The following GPAT4 variants were observed in gnomAD, a reference collection of about 807,000 sequenced individuals.
GPAT4 encodes the protein glycerol-3-phosphate acyltransferase 4.
Under a neutral mutation model 58.0 loss-of-function variants are expected in GPAT4, and 17 were observed. The ratio of observed to expected loss-of-function variants is 0.29; its 90% CI spans 0.20 to 0.44. GPAT4 has a LOEUF of 0.44. Ranked by LOEUF, GPAT4 falls within the 20% of genes least tolerant of loss-of-function variation. The pLI is 1.00. For synonymous variants in GPAT4, 204 were observed against 210.1 expected (o/e 0.97, Z 0.25); for missense variants, 377 against 574.5 (o/e 0.66, Z 3.51).
rs768242581 is a variant in GPAT4 at position 41,599,240 on chromosome 8, C to T, written c.101C>T (p.Ala34Val). The T allele has an allele frequency of 1.9e-6, 3 of 1,614,072 alleles. No homozygotes were observed. Among genetic ancestry groups the T allele is most frequent in the Non-Finnish European group, 2.5e-6 (3 of 1,180,002 alleles). The change falls in exon 2 of 13, where the codon GCC becomes GTC. Residue 34 changes from alanine to valine, a missense_variant. Ala to Val is a moderately conservative substitution (Grantham distance 64). Coordinates refer to ENST00000396987, the MANE Select transcript of GPAT4 (RefSeq NM_178819.4). ...TLLLVFIIVP[A>V]IFGVSFGIRK... ...CTTCTCGTTTTCATCATAGTGCCAG[C>T]CATTTTTGGAGTCTCCTTTGGTATC...
chr8:41,618,592 G>A (rs1163310198), intron 10 of GPAT4, 92 bp from the exon 11 acceptor site: 15 of 1,506,194 alleles, frequency 1.0e-5, no homozygotes, highest in South Asian at 3.6e-5. Context: ...GTACCAGCAC[G>A]GCCCAGTGGA....
intron 1 of GPAT4, among the ~76,000 whole-genome samples, chr8:41,596,837 G>A (rs935421248): frequency 6.6e-6 from 1 of 152,166 alleles, no homozygotes; most frequent in African/African-American, 2.4e-5. Context: ...ATTCAGCTGG[G>A]AGCATCAGTG....
chr8:41,578,681 C>A (rs1362407473), intron 1 of GPAT4: 1 of 152,306 alleles, frequency 6.6e-6, no homozygotes, highest in Admixed American at 6.5e-5. Context: ...ATTCCCCTTC[C>A]TGTGTTCTCT....
rs1266220440 is a variant in GPAT4, at chr8:41,622,078, C to T, written c.*1077C>T. On this transcript the variant is annotated 3_prime_UTR_variant, in exon 13 of 13. Coordinates refer to ENST00000396987, the MANE Select transcript of GPAT4 (RefSeq NM_178819.4). ...GCAGCTCAGAAGGTGAACAGCTCGT[C>T]TCAGATGCTTGCAGATCTTTGGTTA... 6.6e-6 allele frequency: 1 copy of T among 152,320 alleles called. No homozygotes were observed. Among genetic ancestry groups the T allele is most frequent in the Non-Finnish European group, 1.5e-5 (1 of 68,114 alleles). The allele number at this position is 152,320 out of a possible 1,614,324, so 9.4% of individuals were successfully genotyped here. A position where few individuals can be genotyped will look rare whatever the true frequency, so the allele number is the denominator to read the frequency against.
At chr8:41,591,980 A>C (rs11994275) in intron 1 of GPAT4, among the ~76,000 whole-genome samples, 70,979 of 152,030 alleles carry the variant, frequency 0.47, 16,931 homozygotes, top group African/African-American at 0.55. Flanking sequence ...CAGCTTGTAA[A>C]CGTTTGATTC....
Position 41,591,188 on chromosome 8 carries a change from G to C in GPAT4, c.-848-7104G>C, listed in dbSNP as rs567717927. Among the ~76,000 whole-genome samples the C allele has an allele frequency of 5.3e-5, 8 of 152,208 alleles. No individual in the cohort carries two copies. In the South Asian group the frequency reaches 1.7e-3, roughly 32 times the overall value. ...CGGTAATCAGAATGGAATAGAACAGGACAGGGATTTTCACGATGCTTTTCC... is the reference window on the plus strand; with the variant it reads ...CGGTAATCAGAATGGAATAGAACAGCACAGGGATTTTCACGATGCTTTTCC... On this transcript the variant is annotated intron_variant, in intron 1 of 12. Coordinates refer to ENST00000396987, the MANE Select transcript of GPAT4 (RefSeq NM_178819.4).
At position 41,611,962 on chromosome 8, in the gene GPAT4, C is replaced by T. The variant is rs181217466; in HGVS notation, c.671C>T (p.Ala224Val). Residue 224 changes from alanine to valine, a missense_variant, in exon 6 of 13, where the codon GCG becomes GTG. Ala to Val is a moderately conservative substitution (Grantham distance 64). Coordinates refer to ENST00000396987, the MANE Select transcript of GPAT4 (RefSeq NM_178819.4). ...ATGTGTTACCGGATCTGCGTGCGAG[C>T]GCTGACAGCCATCATCACCTACCAT... ...HLMCYRICVR[A>V]LTAIITYHDR... 1.9e-6 allele frequency: 3 copies of T among 1,614,154 alleles called. No homozygotes were observed. The highest frequency in any genetic ancestry group is 2.2e-5 in the South Asian group (2 of 91,076).
At chr8:41,582,478 T>A (rs78702840) in intron 1 of GPAT4, among the ~76,000 whole-genome samples, 5 of 108,068 alleles carry the variant, frequency 4.6e-5, no homozygotes, top group Non-Finnish European at 1.0e-4. Context: ...CACACACACA[T>A]CTTTCTTTCT....
At chr8:41,589,422 G>C (rs1802735552) in intron 1 of GPAT4, among the ~76,000 whole-genome samples, 1 of 151,780 alleles carries the variant, frequency 6.6e-6, no homozygotes, top group African/African-American at 2.4e-5. Flanking sequence ...TCTGAGCGGA[G>C]GAAAGACTAG....
chr8:41,605,698 G>A lies in GPAT4; in HGVS notation c.166-3718G>A, dbSNP rs550252023. Among the ~76,000 whole-genome samples the A allele has an allele frequency of 4.0e-3, 612 of 152,180 alleles. 2 individuals are homozygous for A. Among genetic ancestry groups the A allele is most frequent in the Middle Eastern group, 0.014 (4 of 294 alleles). On this transcript the variant is annotated intron_variant, in intron 2 of 12. Coordinates refer to ENST00000396987, the MANE Select transcript of GPAT4 (RefSeq NM_178819.4). ...CAAGTGATTCTCCTGCCTCAGCCCC[G>A]AGTAGTTGGGGTTACAGGCCTGTGC...
Position 41,589,868 on chromosome 8 carries a change from G to A in GPAT4, c.-848-8424G>A, listed in dbSNP as rs865893996. 2.0e-4 allele frequency among the ~76,000 whole-genome samples: 31 copies of A among 152,336 alleles called. 2 individuals carry two copies. The South Asian group carries it at 2.3e-3, about 11-fold the overall frequency. On this transcript the variant is annotated intron_variant, in intron 1 of 12. Coordinates refer to ENST00000396987, the MANE Select transcript of GPAT4 (RefSeq NM_178819.4). The stretch of plus-strand genomic sequence containing the variant: ...GCTGCCTCTTTCCCATGGCAGTGCT[G>A]TCCACAGGGAGTGGAGAGACAGCAA...
chr8:41,619,472 A>T (rs11786297), intron 12 of GPAT4: 6 of 173,248 alleles, frequency 3.5e-5, no homozygotes, highest in Admixed American at 2.2e-4. Context: ...GCAGCTACTG[A>T]TGATCTCTGC....
chr8:41,584,845 A>G (rs528943472), intron 1 of GPAT4: 1 of 152,140 alleles, frequency 6.6e-6, no homozygotes, highest in Admixed American at 6.6e-5. Flanking sequence ...GTTCTAACTC[A>G]AGAAAGTTCT....
chr8:41,605,633 G>C (rs1020363946), intron 2 of GPAT4, among the ~76,000 whole-genome samples: 3 of 152,164 alleles, frequency 2.0e-5, no homozygotes, highest in African/African-American at 7.2e-5. Context: ...GGAGTGCAGT[G>C]GCGCAATCTT....
At chr8:41,613,911 G>A (rs1803519125) in intron 8 of GPAT4, among the ~76,000 whole-genome samples, 1 of 152,210 alleles carries the variant, frequency 6.6e-6, no homozygotes, top group African/African-American at 2.4e-5. Flanking sequence ...GGGAGACCCT[G>A]TCTCAAAAAA....
chr8:41,595,007 G>A (rs540138537), intron 1 of GPAT4, among the ~76,000 whole-genome samples: 2 of 152,128 alleles, frequency 1.3e-5, no homozygotes, highest in East Asian at 1.9e-4. Flanking sequence ...TGTCTAAGGC[G>A]ACAAGATTAG....
At chr8:41,618,525 G>C (rs1416640603) in intron 10 of GPAT4, 159 bp from the exon 11 acceptor site, 1 of 893,354 alleles carries the variant, frequency 1.1e-6, no homozygotes, top group Admixed American at 2.0e-5. Context: ...AGTCAGAACC[G>C]GCCACATGGA....
intron 10 of GPAT4, among the ~76,000 whole-genome samples, chr8:41,615,749 G>A (rs756337189): frequency 6.6e-6 from 1 of 152,182 alleles, no homozygotes; most frequent in Admixed American, 6.5e-5. Context: ...AAAGTATTTA[G>A]GCTGCAGCCT....
rs28495565 is a variant in GPAT4 at position 41,619,025 on chromosome 8, T to C, written c.1262+48T>C. On this transcript the variant is annotated intron_variant, in intron 12 of 12. Transcript: ENST00000396987. Reference sequence around the variant, plus strand: ...TCAGCTGAGTTTCTGCAGCAGATGCTGTGTCATTGACTTCACTTACATGTC... The same window carrying C: ...TCAGCTGAGTTTCTGCAGCAGATGCCGTGTCATTGACTTCACTTACATGTC... The C allele has an allele frequency of 4.2e-3, 6,613 of 1,592,268 alleles. 147 individuals are homozygous for C. In the African/African-American group the frequency reaches 0.062, roughly 15 times the overall value.
Sources: allele counts gnomAD v4.1 joint callset (sites outside exome capture counted in the v4.1 genomes callset), GRCh38; gene constraint gnomAD v4.1.1; transcripts MANE v1.5; gene names NCBI Gene and HGNC (gene_info 2026-07-23, HGNC 2026-07-21).